SYNPR: variants seen among roughly 807,000 people sequenced by gnomAD.
SYNPR encodes synaptoporin.
Under a neutral mutation model 32.9 loss-of-function variants are expected in SYNPR, and 23 were observed. That is an observed-to-expected ratio of 0.70 (90% CI 0.50 to 0.99). The LOEUF is 0.99. Among genes scored for constraint, SYNPR ranks in the 50% least tolerant of loss-of-function variants. The pLI, the probability that SYNPR is intolerant of heterozygous loss-of-function variation, is 0.00. For synonymous variants in SYNPR, 146 were observed against 135.9 expected (o/e 1.07, Z -0.52); for missense variants, 318 against 349.3 (o/e 0.91, Z 0.71).
At chr3:63,436,525 C>A (rs905239731) in intron 2 of SYNPR, among the ~76,000 whole-genome samples, 1 of 151,998 alleles carries the variant, frequency 6.6e-6, no homozygotes, top group Admixed American at 6.5e-5. Context: ...GAGTCAAAGT[C>A]TTTTTGGGAT....
intron 2 of SYNPR, among the ~76,000 whole-genome samples, chr3:63,386,955 A>G (rs1286913281): frequency 1.3e-5 from 2 of 152,200 alleles, no homozygotes; most frequent in Non-Finnish European, 2.9e-5. Flanking sequence ...AGGATATTTC[A>G]AAACAAATGG....
At chr3:63,568,793 A>C (rs1422879024) in intron 4 of SYNPR, among the ~76,000 whole-genome samples, 1 of 152,162 alleles carries the variant, frequency 6.6e-6, no homozygotes, top group Non-Finnish European at 1.5e-5. Context: ...GCCACAGCTG[A>C]AGCCAGCACA....
chr3:63,527,388 A>G (rs914004499), intron 3 of SYNPR, among the ~76,000 whole-genome samples: 9 of 152,138 alleles, frequency 5.9e-5, no homozygotes, highest in African/African-American at 2.2e-4. Flanking sequence ...CCATTAAAAA[A>G]AAAATTCAGA....
At chr3:63,386,841 G>A (rs1010880469) in intron 2 of SYNPR, among the ~76,000 whole-genome samples, 1 of 152,204 alleles carries the variant, frequency 6.6e-6, no homozygotes, top group Non-Finnish European at 1.5e-5. Flanking sequence ...CAGAAAGCAC[G>A]CTGCCTCCCT....
intron 2 of SYNPR, among the ~76,000 whole-genome samples, chr3:63,448,162 C>A (rs1700313955): frequency 6.6e-6 from 1 of 152,160 alleles, no homozygotes; most frequent in African/African-American, 2.4e-5. Flanking sequence ...TGCCACCATG[C>A]TCAGCTAATT....
chr3:63,364,567 G>A (rs2087707128), intron 2 of SYNPR, among the ~76,000 whole-genome samples: 1 of 152,218 alleles, frequency 6.6e-6, no homozygotes, highest in Non-Finnish European at 1.5e-5. Context: ...GTAAAAGTAA[G>A]TTAGAAGAGG....
intron 4 of SYNPR, among the ~76,000 whole-genome samples, chr3:63,575,611 C>T (rs897937976): frequency 6.6e-6 from 1 of 152,146 alleles, no homozygotes; most frequent in Non-Finnish European, 1.5e-5. Flanking sequence ...TTCCAACAGA[C>T]TCTGCTTACT....
At chr3:63,369,777 C>T (rs1185987309) in intron 2 of SYNPR, among the ~76,000 whole-genome samples, 2 of 152,156 alleles carry the variant, frequency 1.3e-5, no homozygotes, top group East Asian at 3.9e-4. Flanking sequence ...GGACAACAAT[C>T]AATCAGCTAA....
intron 5 of SYNPR, among the ~76,000 whole-genome samples, chr3:63,614,266 A>C (rs546981140): frequency 1.7e-4 from 26 of 152,340 alleles, no homozygotes; most frequent in African/African-American, 4.6e-4. Context: ...GTTAAAACAG[A>C]CTGCCTGTAG....
intron 2 of SYNPR, among the ~76,000 whole-genome samples, chr3:63,321,593 A>T (rs1471916924): frequency 6.6e-6 from 1 of 152,094 alleles, no homozygotes; most frequent in Non-Finnish European, 1.5e-5. Context: ...TGGAGTCTGT[A>T]CTTTATTCTC....
intron 2 of SYNPR, among the ~76,000 whole-genome samples, chr3:63,468,876 G>A (rs949525702): frequency 6.6e-6 from 1 of 151,996 alleles, no homozygotes; most frequent in Non-Finnish European, 1.5e-5. Context: ...TTTCACTAAG[G>A]TAAAGCTGAA....
chr3:63,485,167 G>A lies in SYNPR; in HGVS notation c.209+4211G>A, dbSNP rs140104978. On this transcript the variant is annotated intron_variant, in intron 3 of 5. Transcript: ENST00000478300. ...ATGAAGTCACATCTGGATGAAGAGA[G>A]GTCACCAAGAGAGACAGAATGGGAA... is the stretch of plus-strand genomic sequence containing the variant. Among the ~76,000 whole-genome samples the A allele has an allele frequency of 9.5e-4, 144 of 152,092 alleles. 1 individual carries two copies. The highest frequency in any genetic ancestry group is 3.2e-3 in the African/African-American group (133 of 41,472).
intron 3 of SYNPR, among the ~76,000 whole-genome samples, chr3:63,526,513 T>C (rs1475133194): frequency 6.6e-6 from 1 of 152,234 alleles, no homozygotes; most frequent in East Asian, 1.9e-4. Context: ...GTTCAATGAA[T>C]GAATTTAATA....
In SYNPR at chr3:63,416,325, G is replaced by T. The variant is rs563466369; in HGVS notation, c.85-64507G>T. Among the ~76,000 whole-genome samples the T allele has an allele frequency of 2.0e-5, 3 of 152,186 alleles. No individual in the cohort carries two copies. The South Asian group carries it at 6.2e-4, about 32-fold the overall frequency. On this transcript the variant is annotated intron_variant, in intron 2 of 5. Transcript: ENST00000478300. ...GAGGGTGGATCACCTGAGGTTCGGAGCTTGAGACTAGGTTGGGCAACATGG... is the reference window on the plus strand; with the variant it reads ...GAGGGTGGATCACCTGAGGTTCGGATCTTGAGACTAGGTTGGGCAACATGG...
chr3:63,278,274 G>A, upstream of SYNPR: 3 of 499,966 alleles, frequency 6.0e-6, no homozygotes, highest in South Asian at 3.3e-5. Flanking sequence ...CCCCTCCCCT[G>A]TTGTATCTAC....
intron 4 of SYNPR, among the ~76,000 whole-genome samples, chr3:63,586,413 C>G (rs540687724): frequency 1.3e-5 from 2 of 151,938 alleles, no homozygotes; most frequent in Admixed American, 6.6e-5. Context: ...CCAGAATTTT[C>G]AAATTTAGTC....
chr3:63,357,931 A>G (rs879321527), intron 2 of SYNPR, among the ~76,000 whole-genome samples: 1 of 152,192 alleles, frequency 6.6e-6, no homozygotes, highest in South Asian at 2.1e-4. Context: ...TTTAATTGTC[A>G]TCTTATAGTG....
At chr3:63,365,115 C>G (rs369172776) in intron 2 of SYNPR, among the ~76,000 whole-genome samples, 1 of 152,108 alleles carries the variant, frequency 6.6e-6, no homozygotes, top group Admixed American at 6.6e-5. Flanking sequence ...CTGCAGGGTA[C>G]ACACATACCA....
intron 2 of SYNPR, among the ~76,000 whole-genome samples, chr3:63,295,649 A>G (rs987343981): frequency 1.3e-5 from 2 of 152,232 alleles, no homozygotes; most frequent in Non-Finnish European, 2.9e-5. Flanking sequence ...TGAAGTTCAA[A>G]GCAAGTACTT....
Sources: allele counts gnomAD v4.1 joint callset (sites outside exome capture counted in the v4.1 genomes callset), GRCh38; gene constraint gnomAD v4.1.1; transcripts MANE v1.5; gene names NCBI Gene and HGNC (gene_info 2026-07-23, HGNC 2026-07-21).